Variants in ANO2 observed in about 807,000 individuals in gnomAD.
ANO2 encodes anoctamin-2.
A neutral mutation model predicts 124.2 loss-of-function variants in ANO2; 101 were observed. The ratio of observed to expected loss-of-function variants is 0.81; its 90% CI spans 0.69 to 0.96. The LOEUF (loss-of-function observed/expected upper bound fraction) is 0.96. ANO2 is among the 40% of genes least tolerant of loss of function. The pLI is 0.00. For missense variants in ANO2, 1,293 were observed against 1,274.5 expected (o/e 1.01, Z -0.22); for synonymous variants, 486 against 482.5 (o/e 1.01, Z -0.09).
chr12:5,935,250 T>C (rs1334585454), intron 1 of ANO2, among the ~76,000 whole-genome samples: 1 of 152,124 alleles, frequency 6.6e-6, no homozygotes, highest in Non-Finnish European at 1.5e-5. Flanking sequence ...GCCCTGAGCA[T>C]ATGACCTGGT....
At chr12:5,654,985 G>A (rs1015893183) in intron 14 of ANO2, among the ~76,000 whole-genome samples, 1 of 152,022 alleles carries the variant, frequency 6.6e-6, no homozygotes, top group African/African-American at 2.4e-5. Flanking sequence ...GTCACAACTG[G>A]CAACATCAGG....
intron 4 of ANO2, among the ~76,000 whole-genome samples, chr12:5,840,072 C>G (rs1307826548): frequency 2.0e-5 from 3 of 152,126 alleles, no homozygotes; most frequent in Non-Finnish European, 4.4e-5. Flanking sequence ...TTAATACAAT[C>G]AGCAGTGGCA....
chr12:5,664,645 C>A (rs1305371003), intron 14 of ANO2, among the ~76,000 whole-genome samples: 1 of 152,166 alleles, frequency 6.6e-6, no homozygotes, highest in African/African-American at 2.4e-5. Context: ...TAATTCCAAT[C>A]GTATGTTCTT....
rs541390766 is a variant in ANO2, at chr12:5,687,450, C to A, written c.1546-39649G>T. On this transcript the variant is annotated intron_variant, in intron 14 of 24. Transcript: ENST00000682330. ...ATTCTTGAAACCCTGGATATACTTC[C>A]AACGAAGCATGTGCAATTTCCTTGC... 1.2e-4 allele frequency among the ~76,000 whole-genome samples: 19 copies of A among 152,336 alleles called. No homozygotes were observed. In the South Asian group the frequency reaches 2.9e-3, roughly 23 times the overall value.
chr12:5,743,479 G>A (rs1237913045), intron 12 of ANO2, among the ~76,000 whole-genome samples: 1 of 151,446 alleles, frequency 6.6e-6, no homozygotes, highest in African/African-American at 2.4e-5. Context: ...AGGCGTGTGT[G>A]TGTGTGTGTG....
chr12:5,783,833 T>C (rs1952468810), intron 10 of ANO2, among the ~76,000 whole-genome samples: 1 of 152,176 alleles, frequency 6.6e-6, no homozygotes, highest in African/African-American at 2.4e-5. Flanking sequence ...CTTCTCCCAC[T>C]AGGGCTCCAG....
intron 16 of ANO2, among the ~76,000 whole-genome samples, chr12:5,630,439 T>C (rs1179290468): frequency 6.6e-6 from 1 of 152,184 alleles, no homozygotes; most frequent in African/African-American, 2.4e-5. Flanking sequence ...TTCTTTGCCA[T>C]TAAGGAAACT....
chr12:5,881,980 G>A (rs1938532106), intron 3 of ANO2, among the ~76,000 whole-genome samples: 1 of 152,186 alleles, frequency 6.6e-6, no homozygotes, highest in Non-Finnish European at 1.5e-5. Context: ...TTCAGGCAAA[G>A]GTTAGAGATG....
At chr12:5,920,180 G>A (rs970522160) in intron 3 of ANO2, among the ~76,000 whole-genome samples, 2 of 152,084 alleles carry the variant, frequency 1.3e-5, no homozygotes, top group Non-Finnish European at 2.9e-5. Flanking sequence ...CCCTTGCACT[G>A]ACCAGAGGTG....
Position 5,610,861 on chromosome 12 carries a change from A to ACACACAC in ANO2, c.2087+1794_2087+1795insGTGTGTG, listed in dbSNP as rs1565472341. ...ACACACACACACACACACACACACA[A>ACACACAC]CCCTAAGGGAAATTATTTCTATAAA... On this transcript the variant is annotated intron_variant, in intron 19 of 24. Transcript: ENST00000682330. 4.1e-3 allele frequency among the ~76,000 whole-genome samples: 334 copies of ACACACAC among 82,216 alleles called. 5 individuals carry two copies. The highest frequency in any genetic ancestry group is 7.9e-3 in the African/African-American group (219 of 27,620). 53.9% of individuals were successfully genotyped at this position (82,216 alleles called of 152,430 possible).
intron 16 of ANO2, among the ~76,000 whole-genome samples, chr12:5,625,502 G>A (rs567162819): frequency 5.9e-5 from 9 of 152,106 alleles, no homozygotes; most frequent in Non-Finnish European, 7.4e-5. Flanking sequence ...GGGAAGAATC[G>A]GTGAAAGGCA....
chr12:5,921,081 T>C lies in ANO2; in HGVS notation c.493A>G (p.Asn165Asp). 6.2e-7 allele frequency: 1 copy of C among 1,613,334 alleles called. No individual in the cohort carries two copies. The highest frequency in any genetic ancestry group is 8.5e-7 in the Non-Finnish European group (1 of 1,179,446). The change falls in exon 3 of 25, where the codon AAT becomes GAT. Residue 165 changes from asparagine (N) to aspartate (D), a missense_variant. Physicochemically the swap from Asn to Asp is conservative, Grantham distance 23. Transcript: ENST00000682330. ...AGCTCCAGTCCAGCCTCCATCAGAT[T>C]GTGCTCAAATTCCTCCCGCTGCTCC... is the stretch of plus-strand genomic sequence containing the variant. ...RKEQREEFEHNLMEAGLELEK... is the reference protein window; with the variant it reads ...RKEQREEFEHDLMEAGLELEK...
At chr12:5,746,753 A>G (rs1460347158) in intron 11 of ANO2, among the ~76,000 whole-genome samples, 1 of 152,172 alleles carries the variant, frequency 6.6e-6, no homozygotes. Flanking sequence ...ACAACGGGAG[A>G]AGGTACAAAG....
At chr12:5,832,939 A>G (rs1317348066) in intron 4 of ANO2, among the ~76,000 whole-genome samples, 1 of 152,212 alleles carries the variant, frequency 6.6e-6, no homozygotes, top group African/African-American at 2.4e-5. Context: ...ATTAACTCCA[A>G]TGCTTACAGC....
chr12:5,797,903 G>T (rs1361114990), intron 10 of ANO2, among the ~76,000 whole-genome samples: 1 of 152,164 alleles, frequency 6.6e-6, no homozygotes, highest in Non-Finnish European at 1.5e-5. Flanking sequence ...GCAGGGCTCC[G>T]CTCCAAAGGC....
chr12:5,694,162 A>G (rs572454937), intron 14 of ANO2, among the ~76,000 whole-genome samples: 1 of 149,712 alleles, frequency 6.7e-6, no homozygotes, highest in African/African-American at 2.5e-5. Context: ...ACTCTCCACT[A>G]TAAAAAAATG....
At chr12:5,866,620 C>T (rs1418133601) in intron 3 of ANO2, among the ~76,000 whole-genome samples, 1 of 152,202 alleles carries the variant, frequency 6.6e-6, no homozygotes, top group Admixed American at 6.5e-5. Context: ...TTGTGAGCGG[C>T]ATGGAAGAGA....
chr12:5,652,910 C>G (rs1475736650), intron 14 of ANO2, among the ~76,000 whole-genome samples: 2 of 152,100 alleles, frequency 1.3e-5, no homozygotes, highest in African/African-American at 4.8e-5. Flanking sequence ...CACAAAGTGC[C>G]CACATTTAAG....
At chr12:5,903,318 G>A (rs996273768) in intron 3 of ANO2, among the ~76,000 whole-genome samples, 2 of 152,144 alleles carry the variant, frequency 1.3e-5, no homozygotes, top group Non-Finnish European at 2.9e-5. Flanking sequence ...CTGAGCTTCT[G>A]ATATATGCCA....
Sources: allele counts gnomAD v4.1 joint callset (sites outside exome capture counted in the v4.1 genomes callset), GRCh38; gene constraint gnomAD v4.1.1; transcripts MANE v1.5; gene names NCBI Gene and HGNC (gene_info 2026-07-23, HGNC 2026-07-21).